The following CTNNA2 variants were observed in gnomAD, a reference collection of about 807,000 sequenced individuals.
The protein encoded by CTNNA2 is catenin alpha 2, also known as catenin alpha-2.
CTNNA2 carries 42 observed loss-of-function variants against 101.0 expected under a neutral mutation model. The ratio of observed to expected loss-of-function variants is 0.42; its 90% CI spans 0.32 to 0.54. The LOEUF (loss-of-function observed/expected upper bound fraction) is 0.54, where lower values mean the gene tolerates loss of function less well. Among genes scored for constraint, CTNNA2 ranks in the 20% least tolerant of loss-of-function variants. The pLI, the probability that CTNNA2 is intolerant of heterozygous loss-of-function variation, is 0.14. For missense variants in CTNNA2, 871 were observed against 1,223.1 expected (o/e 0.71, Z 4.29); for synonymous variants, 450 against 456.4 (o/e 0.99, Z 0.18).
chr2:80,269,180 T>C (rs1256768929), intron 7 of CTNNA2, among the ~76,000 whole-genome samples: 1 of 152,218 alleles, frequency 6.6e-6, no homozygotes, highest in African/African-American at 2.4e-5. Flanking sequence ...TGAATGGTAG[T>C]TCCCATAATC....
chr2:79,310,697 G>C (rs1676347638), intron 2 of CTNNA2, among the ~76,000 whole-genome samples: 1 of 152,190 alleles, frequency 6.6e-6, no homozygotes, highest in Non-Finnish European at 1.5e-5. Context: ...GAGAAACTGA[G>C]ATAGTTAAAG....
At chr2:79,798,437 T>C (rs2091036117) in intron 3 of CTNNA2, among the ~76,000 whole-genome samples, 1 of 152,182 alleles carries the variant, frequency 6.6e-6, no homozygotes, top group African/African-American at 2.4e-5. Context: ...CTTTTTTCCT[T>C]TTATTCAGTT....
chr2:79,787,732 A>G (rs1674958313), intron 3 of CTNNA2, among the ~76,000 whole-genome samples: 4 of 151,774 alleles, frequency 2.6e-5, no homozygotes, highest in Admixed American at 1.3e-4. Flanking sequence ...TTTTTGCAAT[A>G]GCATCACTCC....
At chr2:79,626,619 ATG>A (rs71867416) in intron 1 of CTNNA2, among the ~76,000 whole-genome samples, 74,654 of 142,034 alleles carry the variant, frequency 0.53, 19,762 homozygotes, top group South Asian at 0.66. Flanking sequence ...GTGTGTGTGT[ATG>A]TGTGTGTGTG....
In CTNNA2 at chr2:80,232,341, G is replaced by GTTTTTTTTTT. The variant is rs1286822049; in HGVS notation, c.1057-160867_1057-160866insTTTTTTTTTT. Among the ~76,000 whole-genome samples the GTTTTTTTTTT allele has an allele frequency of 4.4e-4, 36 of 82,032 alleles. No individual in the cohort carries two copies. The East Asian group carries it at 4.9e-3, about 11-fold the overall frequency. 53.8% of individuals were successfully genotyped at this position (82,032 alleles called of 152,430 possible). A position where few individuals can be genotyped will look rare whatever the true frequency, so the allele number is the denominator to read the frequency against. On this transcript the variant is annotated intron_variant, in intron 7 of 18. Transcript: ENST00000402739. ...TTGGGTTTTGTTTGTTTGTTTGTTT[G>GTTTTTTTTTT]TTTGTTTTTTTTTTTTTTTTTTTTT...
At chr2:79,965,945 C>T (rs1472200010) in intron 7 of CTNNA2, among the ~76,000 whole-genome samples, 1 of 151,142 alleles carries the variant, frequency 6.6e-6, no homozygotes, top group Non-Finnish European at 1.5e-5. Flanking sequence ...CTTGAAACAT[C>T]TAAAAATAAA....
At chr2:80,137,895 G>T (rs1391698228) in intron 7 of CTNNA2, among the ~76,000 whole-genome samples, 1 of 152,060 alleles carries the variant, frequency 6.6e-6, no homozygotes, top group Non-Finnish European at 1.5e-5. Flanking sequence ...AAACTGTTTT[G>T]CTGGGGGACA....
At chr2:79,661,313 T>G (rs934642442) in intron 2 of CTNNA2, among the ~76,000 whole-genome samples, 3 of 152,204 alleles carry the variant, frequency 2.0e-5, no homozygotes, top group Admixed American at 1.3e-4. Flanking sequence ...ATATTAACAT[T>G]GATAAAACTA....
intron 9 of CTNNA2, among the ~76,000 whole-genome samples, chr2:80,531,737 A>C (rs1471304149): frequency 6.6e-6 from 1 of 152,166 alleles, no homozygotes; most frequent in Non-Finnish European, 1.5e-5. Context: ...TTTATTCTTT[A>C]AGAACCTGTG....
chr2:79,777,443 T>C (rs1674063527), intron 3 of CTNNA2, among the ~76,000 whole-genome samples: 1 of 151,992 alleles, frequency 6.6e-6, no homozygotes, highest in African/African-American at 2.4e-5. Flanking sequence ...TCTTCCTTTA[T>C]ATATGGATGA....
At chr2:80,583,045 C>A (rs216622) in intron 14 of CTNNA2, among the ~76,000 whole-genome samples, 4 of 151,812 alleles carry the variant, frequency 2.6e-5, no homozygotes. Context: ...AAAGACAAAG[C>A]CTTTGATTTC....
chr2:79,767,224 A>G (rs1673230576), intron 3 of CTNNA2, among the ~76,000 whole-genome samples: 2 of 152,032 alleles, frequency 1.3e-5, no homozygotes, highest in African/African-American at 4.8e-5. Flanking sequence ...CGTTAAATGT[A>G]TCTGATAGAA....
In CTNNA2 at chr2:80,581,828, A is replaced by G. The variant is rs760431202; in HGVS notation, c.2007+9A>G. On this transcript the variant is annotated intron_variant, in intron 14 of 18. Coordinates refer to ENST00000402739, the MANE Select transcript of CTNNA2 (RefSeq NM_001282597.3). ...CAGGGCAGAGCGCACGGGTGAGTGGACACCTAAGACTTTGGCTTGGCACAC... is the reference window on the plus strand; with the variant it reads ...CAGGGCAGAGCGCACGGGTGAGTGGGCACCTAAGACTTTGGCTTGGCACAC... 2.5e-5 allele frequency: 39 copies of G among 1,536,112 alleles called. No homozygotes were observed. Among genetic ancestry groups the G allele is most frequent in the Non-Finnish European group, 3.2e-5 (35 of 1,109,470 alleles).
chr2:80,264,005 A>G (rs899014072), intron 7 of CTNNA2, among the ~76,000 whole-genome samples: 1 of 152,214 alleles, frequency 6.6e-6, no homozygotes. Flanking sequence ...TTGCCTAATT[A>G]CCACTTTAAG....
chr2:80,162,535 T>G (rs1399759959), intron 7 of CTNNA2: 1 of 1,604,100 alleles, frequency 6.2e-7, no homozygotes, highest in African/African-American at 1.3e-5. Context: ...GATTCCTATC[T>G]TCATAGAAGA....
rs536212329 is a variant in CTNNA2, at chr2:79,211,339, A to T, written c.-406+13263A>T. Reference sequence around the variant, plus strand: ...GAGTATTATTCCAAGACAACAAGGGAAACTTTTCATGCGCGTCCGTGAGAA... The same window carrying T: ...GAGTATTATTCCAAGACAACAAGGGTAACTTTTCATGCGCGTCCGTGAGAA... On this transcript the variant is annotated intron_variant, in intron 2 of 21. Transcript: ENST00000466387. 8.5e-5 allele frequency among the ~76,000 whole-genome samples: 13 copies of T among 152,322 alleles called. 1 individual carries two copies. The South Asian group carries it at 1.0e-3, about 12-fold the overall frequency.
At chr2:79,757,708 G>A (rs377218439) in intron 3 of CTNNA2, among the ~76,000 whole-genome samples, 1 of 152,256 alleles carries the variant, frequency 6.6e-6, no homozygotes, top group African/African-American at 2.4e-5. Context: ...TCAATGGGTG[G>A]GGCTTGCTTT....
chr2:80,167,931 C>T (rs531659989), intron 7 of CTNNA2, among the ~76,000 whole-genome samples: 11 of 152,264 alleles, frequency 7.2e-5, no homozygotes, highest in South Asian at 2.1e-4. Context: ...AGGGGCTCTG[C>T]GGCTGTTTGT....
intron 17 of CTNNA2, 188 bp downstream of exon 17, chr2:80,608,506 A>G (rs968607502): frequency 4.0e-6 from 2 of 496,764 alleles, no homozygotes; most frequent in African/African-American, 1.9e-5. Flanking sequence ...TGATTTTCCA[A>G]TTACCCTGTG....
Sources: allele counts gnomAD v4.1 joint callset (sites outside exome capture counted in the v4.1 genomes callset), GRCh38; gene constraint gnomAD v4.1.1; transcripts MANE v1.5; gene names NCBI Gene and HGNC (gene_info 2026-07-23, HGNC 2026-07-21).